SLC24A4: variants seen among roughly 807,000 people sequenced by gnomAD.
The protein encoded by SLC24A4 is sodium/potassium/calcium exchanger 4.
Under a neutral mutation model 79.0 loss-of-function variants are expected in SLC24A4, and 53 were observed. The ratio of observed to expected loss-of-function variants is 0.67; its 90% CI spans 0.54 to 0.84. The LOEUF is 0.84. SLC24A4 is among the 40% of genes least tolerant of loss of function. The pLI is 0.00. For synonymous variants in SLC24A4, 323 were observed against 323.8 expected (o/e 1.00, Z 0.03); for missense variants, 731 against 822.0 (o/e 0.89, Z 1.35).
At position 92,449,094 on chromosome 14, in the gene SLC24A4, C is replaced by T; in HGVS notation, c.758C>T (p.Ala253Val). 6.2e-7 allele frequency: 1 copy of T among 1,614,172 alleles called. No homozygotes were observed. The highest frequency in any genetic ancestry group is 8.5e-7 in the Non-Finnish European group (1 of 1,180,016). ...LIMKYNVKMQAFFTVKQKSIA... is the reference protein window; with the variant it reads ...LIMKYNVKMQVFFTVKQKSIA... ...TCCAGGTACAATGTGAAGATGCAAG[C>T]CTTTTTCACAGTCAAACAAAAGAGC... is the stretch of plus-strand genomic sequence containing the variant. Residue 253 changes from alanine (A) to valine (V), a missense_variant, in exon 10 of 17, where the codon GCC (alanine) becomes GTC (valine). Transcript: ENST00000532405.
intron 12 of SLC24A4, among the ~76,000 whole-genome samples, chr14:92,466,839 TC>T (rs1002967264): frequency 6.6e-6 from 1 of 152,198 alleles, no homozygotes; most frequent in African/African-American, 2.4e-5. Flanking sequence ...TGGTACTATC[TC>T]CCATTGTCTA....
intron 14 of SLC24A4, among the ~76,000 whole-genome samples, chr14:92,487,976 G>GCTCCTC (rs796277416): frequency 7.0e-6 from 1 of 142,628 alleles, no homozygotes. Context: ...TCCTCCTCCT[G>GCTCCTC]CTCCTCCTCC....
chr14:92,447,418 T>G lies in SLC24A4; in HGVS notation c.731T>G (p.Ile244Ser), dbSNP rs1201495386. The change falls in exon 9 of 17, where the codon ATC becomes AGC. Residue 244 changes from isoleucine (I) to serine (S), a missense_variant. Physicochemically the swap from Ile to Ser is moderately radical, Grantham distance 142. Transcript: ENST00000532405. ...ATCTTGTATGTGTTTTATATTCTGA[T>G]CATGAAGTAAGTGCCCTTTCTCCTC... ...LIILYVFYIL[I>S]MKYNVKMQAF... The G allele has an allele frequency of 6.2e-7, 1 of 1,614,094 alleles. No homozygotes were observed. Among genetic ancestry groups the G allele is most frequent in the East Asian group, 2.2e-5 (1 of 44,886 alleles).
In SLC24A4 at chr14:92,475,086, G is replaced by C. The variant is rs1595347076; in HGVS notation, c.1256-7594G>C. Among the ~76,000 whole-genome samples the C allele has an allele frequency of 2.0e-5, 3 of 151,674 alleles. No homozygotes were observed. The East Asian group carries it at 5.8e-4, about 29-fold the overall frequency. ...ACTGAGACTCTTCTATTGACAAATA[G>C]TATCATGTTCCCAAGTCCCCAGTGT... On this transcript the variant is annotated intron_variant, in intron 12 of 16. Transcript: ENST00000532405.
intron 2 of SLC24A4, among the ~76,000 whole-genome samples, chr14:92,358,695 CTTTTTT>C (rs749108837): frequency 3.1e-5 from 4 of 130,878 alleles, no homozygotes; most frequent in Non-Finnish European, 6.4e-5. Context: ...CACATCTACT[CTTTTTT>C]TTTTTTTTTT....
intron 2 of SLC24A4, among the ~76,000 whole-genome samples, chr14:92,415,749 C>T (rs1191486528): frequency 4.6e-5 from 7 of 152,214 alleles, no homozygotes; most frequent in African/African-American, 1.2e-4. Context: ...TGAACCACTG[C>T]GCCCGGCCTC....
intron 2 of SLC24A4, among the ~76,000 whole-genome samples, chr14:92,394,788 A>G (rs1233779685): frequency 6.6e-6 from 1 of 152,232 alleles, no homozygotes; most frequent in Non-Finnish European, 1.5e-5. Context: ...AAAACTACAC[A>G]TCCTATGGGA....
At chr14:92,385,687 C>T (rs1014019617) in intron 2 of SLC24A4, among the ~76,000 whole-genome samples, 2 of 152,022 alleles carry the variant, frequency 1.3e-5, no homozygotes, top group Admixed American at 6.6e-5. Flanking sequence ...GCTGCGGGGC[C>T]CCATTTGGAT....
intron 2 of SLC24A4, among the ~76,000 whole-genome samples, chr14:92,345,125 A>C (rs962663223): frequency 1.3e-5 from 2 of 152,152 alleles, no homozygotes; most frequent in African/African-American, 4.8e-5. Flanking sequence ...ACAACCCCCG[A>C]GTTGCAGGAT....
At chr14:92,410,212 C>T (rs1211561248) in intron 2 of SLC24A4, among the ~76,000 whole-genome samples, 1 of 152,204 alleles carries the variant, frequency 6.6e-6, no homozygotes, top group East Asian at 1.9e-4. Flanking sequence ...GATGAGGTCT[C>T]ACTCTGTCAC....
intron 2 of SLC24A4, among the ~76,000 whole-genome samples, chr14:92,406,804 G>GGT (rs1555366349): frequency 3.9e-5 from 6 of 151,968 alleles, no homozygotes; most frequent in Admixed American, 6.6e-5. Flanking sequence ...TGTGATGGGG[G>GGT]GGTCTCTGAA....
At chr14:92,462,976 G>C (rs1157745327) in intron 12 of SLC24A4, among the ~76,000 whole-genome samples, 1 of 152,144 alleles carries the variant, frequency 6.6e-6, no homozygotes, top group African/African-American at 2.4e-5. Context: ...CCTCCGTCTG[G>C]GATGCTAGTC....
At chr14:92,474,863 A>ATATATATATATATATATATATT (rs36185636) in intron 12 of SLC24A4, among the ~76,000 whole-genome samples, 8 of 57,120 alleles carry the variant, frequency 1.4e-4, no homozygotes, top group Non-Finnish European at 2.7e-4. Context: ...ATATATATAT[A>ATATATATATATATATATATATT]TTTTTTTTTT....
At chr14:92,442,680 C>T in intron 5 of SLC24A4, 33 bp from the exon 6 acceptor site, 1 of 1,518,726 alleles carries the variant, frequency 6.6e-7, no homozygotes, top group Non-Finnish European at 9.1e-7. Context: ...GGACGTGTGG[C>T]TGAGGCCCAG....
At chr14:92,377,009 G>C (rs915080970) in intron 2 of SLC24A4, among the ~76,000 whole-genome samples, 4 of 152,294 alleles carry the variant, frequency 2.6e-5, no homozygotes, top group Middle Eastern at 3.4e-3. Flanking sequence ...GAAGCTCCTC[G>C]TGAGGGGCTC....
At chr14:92,332,497 C>T (rs559875025) in intron 2 of SLC24A4, among the ~76,000 whole-genome samples, 1 of 152,276 alleles carries the variant, frequency 6.6e-6, no homozygotes, top group Admixed American at 6.5e-5. Context: ...GAGACCCTGT[C>T]TCTCAAATAA....
At chr14:92,383,863 C>T (rs112956075) in intron 2 of SLC24A4, among the ~76,000 whole-genome samples, 5 of 152,334 alleles carry the variant, frequency 3.3e-5, no homozygotes, top group African/African-American at 1.2e-4. Context: ...CCCCCAGGAC[C>T]CAGCATTTCC....
At position 92,448,380 on chromosome 14, in the gene SLC24A4, A is replaced by AC. The variant is rs60919801; in HGVS notation, c.738-694_738-693insC. Among the ~76,000 whole-genome samples the AC allele has an allele frequency of 1.8e-4, 27 of 150,328 alleles. 1 individual carries two copies. Among genetic ancestry groups the AC allele is most frequent in the African/African-American group, 4.2e-4 (17 of 40,462 alleles). On this transcript the variant is annotated intron_variant, in intron 9 of 16. Coordinates refer to ENST00000532405, the MANE Select transcript of SLC24A4 (RefSeq NM_153646.4). ...CACACACACACACACACACACACAC[A>AC]AATCCCTACTCATGAGCTGAGCCAT...
chr14:92,436,734 C>T (rs1478723787), intron 3 of SLC24A4, among the ~76,000 whole-genome samples: 7 of 152,182 alleles, frequency 4.6e-5, no homozygotes, highest in Admixed American at 1.3e-4. Context: ...GCCATCTTGG[C>T]TCATCTTCTC....
Sources: gnomAD v4.1 joint callset for allele counts (sites outside exome capture counted in the v4.1 genomes callset) on GRCh38, gnomAD v4.1.1 for gene constraint, MANE v1.5 for transcripts, NCBI Gene and HGNC (gene_info 2026-07-23, HGNC 2026-07-21) for gene names.